RYR3: variants seen among roughly 807,000 people sequenced by gnomAD.
RYR3 encodes the protein ryanodine receptor 3.
Under a neutral mutation model 584.3 loss-of-function variants are expected in RYR3, and 207 were observed. That is an observed-to-expected ratio of 0.35 (90% CI 0.32 to 0.40). RYR3 has a LOEUF of 0.40. RYR3 is among the 10% of genes least tolerant of loss of function. The pLI is 1.00. For synonymous variants in RYR3, 2,416 were observed against 2,248.5 expected, an observed-to-expected ratio of 1.07 and a Z score of -2.11; for missense variants, 5,616 against 6,089.2, an observed-to-expected ratio of 0.92 and a Z score of 2.59.
intron 3 of RYR3, among the ~76,000 whole-genome samples, 152 bp downstream of exon 3, chr15:33,503,890 G>T (rs2052230845): frequency 6.6e-6 from 1 of 152,126 alleles, no homozygotes; most frequent in African/African-American, 2.4e-5. Context: ...GAGTTGAGTT[G>T]GTGTTATTCA....
chr15:33,662,830 A>G lies in RYR3; in HGVS notation c.5300A>G (p.Glu1767Gly). The G allele has an allele frequency of 1.2e-6, 2 of 1,613,898 alleles. No homozygotes were observed. Among genetic ancestry groups the G allele is most frequent in the Non-Finnish European group, 1.7e-6 (2 of 1,179,882 alleles). The change falls in exon 35 of 104, where the codon GAA becomes GGA. Residue 1767 changes from glutamate to glycine, a missense_variant. Physicochemically the swap from Glu to Gly is moderately conservative, Grantham distance 98. Coordinates refer to ENST00000634891, the MANE Select transcript of RYR3 (RefSeq NM_001036.6). ...EHSAGTEEGA[E>G]KEEVTQVEEK... Reference sequence around the variant, plus strand: ...AGTGCGGGGACAGAGGAGGGAGCAGAAAAGGAGGAAGTGACCCAGGTGGAG... The same window carrying G: ...AGTGCGGGGACAGAGGAGGGAGCAGGAAAGGAGGAAGTGACCCAGGTGGAG...
intron 1 of RYR3, 108 bp from the exon 2 acceptor site, chr15:33,473,311 G>T (rs375234263): frequency 7.8e-7 from 1 of 1,275,862 alleles, no homozygotes; most frequent in Admixed American, 1.7e-5. Context: ...CAAAAAGCAC[G>T]TGGCTGTCAG....
chr15:33,509,947 A>G (rs1008365547), intron 3 of RYR3, among the ~76,000 whole-genome samples: 2 of 152,222 alleles, frequency 1.3e-5, no homozygotes, highest in African/African-American at 4.8e-5. Context: ...TTCCTTGGAG[A>G]GGGAGAAAAA....
In RYR3 at chr15:33,663,428, T is replaced by G. The variant is rs928333910; in HGVS notation, c.5419-109T>G. On this transcript the variant is annotated intron_variant, in intron 35 of 103. Transcript: ENST00000634891. ...TTGAGTAACAGCTTTATGGCTACTG[T>G]GTGGCAATTTACTTTGTCTAAGTCT... The G allele has an allele frequency of 2.6e-5, 23 of 886,212 alleles. No homozygotes were observed. The African/African-American group carries it at 3.5e-4, about 13-fold the overall frequency. The allele number at this position is 886,212 out of a possible 1,614,324, so 54.9% of individuals were successfully genotyped here. A position where few individuals can be genotyped will look rare whatever the true frequency, so the allele number is the denominator to read the frequency against.
chr15:33,331,363 T>A (rs778482917), intron 1 of RYR3, among the ~76,000 whole-genome samples: 2 of 152,174 alleles, frequency 1.3e-5, no homozygotes, highest in Non-Finnish European at 2.9e-5. Flanking sequence ...GCTGTTTAAT[T>A]CACTAATGTT....
At chr15:33,454,667 A>T (rs538770901) in intron 1 of RYR3, among the ~76,000 whole-genome samples, 28 of 152,290 alleles carry the variant, frequency 1.8e-4, no homozygotes, top group African/African-American at 6.5e-4. Context: ...GGACCCTCCC[A>T]GATTAGATGA....
At chr15:33,335,990 A>T (rs988593451) in intron 1 of RYR3, among the ~76,000 whole-genome samples, 1 of 152,194 alleles carries the variant, frequency 6.6e-6, no homozygotes, top group Non-Finnish European at 1.5e-5. Context: ...ACAGCAATAA[A>T]TAAAAGAAAA....
At chr15:33,342,024 A>G (rs1971880523) in intron 1 of RYR3, among the ~76,000 whole-genome samples, 1 of 152,186 alleles carries the variant, frequency 6.6e-6, no homozygotes, top group Admixed American at 6.5e-5. Flanking sequence ...CCAGTGCTTC[A>G]TACCTACTTA....
intron 70 of RYR3, among the ~76,000 whole-genome samples, chr15:33,808,130 A>G (rs2076301865): frequency 6.6e-6 from 1 of 152,164 alleles, no homozygotes; most frequent in South Asian, 2.1e-4. Flanking sequence ...CCTCTGCTCT[A>G]CACTATGCAG....
At chr15:33,642,930 G>C (rs975087711) in intron 27 of RYR3, among the ~76,000 whole-genome samples, 9 of 152,268 alleles carry the variant, frequency 5.9e-5, no homozygotes, top group African/African-American at 1.9e-4. Flanking sequence ...TATTAAACAC[G>C]TCTGTATCCT....
intron 1 of RYR3, chr15:33,465,594 G>A (rs977981989): frequency 6.4e-5 from 27 of 423,374 alleles, no homozygotes; most frequent in Non-Finnish European, 1.2e-4. Flanking sequence ...TTTTCCTTAA[G>A]TAAGATGGAA....
At chr15:33,662,987 T>G in intron 35 of RYR3, 39 bp downstream of exon 35, 1 of 1,525,838 alleles carries the variant, frequency 6.6e-7, no homozygotes, top group African/African-American at 1.4e-5. Flanking sequence ...GGTTAATAGA[T>G]CTTCTGCTTT....
intron 38 of RYR3, among the ~76,000 whole-genome samples, chr15:33,685,460 C>T (rs1377299716): frequency 5.3e-5 from 8 of 152,158 alleles, no homozygotes; most frequent in Admixed American, 4.6e-4. Flanking sequence ...TCCTTAGAGA[C>T]CTACAAAGAG....
chr15:33,483,208 TATTCCC>T (rs1316565702), intron 2 of RYR3, among the ~76,000 whole-genome samples: 1 of 152,096 alleles, frequency 6.6e-6, no homozygotes, highest in Non-Finnish European at 1.5e-5. Context: ...CTTCTCCCAT[TATTCCC>T]ATTTTTTTGG....
Position 33,811,016 on chromosome 15 carries a change from C to A in RYR3, c.10236C>A (p.Asn3412Lys). Residue 3412 changes from asparagine (N) to lysine (K), a missense_variant, in exon 72 of 104, where the codon AAC becomes AAA. By Grantham distance (94) the Asn-to-Lys change is moderately conservative. Coordinates refer to ENST00000634891, the MANE Select transcript of RYR3 (RefSeq NM_001036.6). ...TDEEVREHLR[N>K]NLHLQEKSDD... ...AAGAGGTCAGAGAACATCTGCGGAA[C>A]AACTTGCACTTGCAGGAAAAGGTGA... 6.2e-7 allele frequency: 1 copy of A among 1,609,306 alleles called. No individual in the cohort carries two copies. Among genetic ancestry groups the A allele is most frequent in the Non-Finnish European group, 8.5e-7 (1 of 1,178,032 alleles).
chr15:33,659,045 G>C (rs984054010), intron 32 of RYR3, among the ~76,000 whole-genome samples: 1 of 152,324 alleles, frequency 6.6e-6, no homozygotes, highest in African/African-American at 2.4e-5. Flanking sequence ...GCCCTTCACA[G>C]AACATTTGGC....
intron 16 of RYR3, among the ~76,000 whole-genome samples, chr15:33,597,131 A>G (rs1324742368): frequency 2.0e-5 from 3 of 152,214 alleles, no homozygotes; most frequent in African/African-American, 7.2e-5. Flanking sequence ...TACAAAAGCA[A>G]AGATTATTCT....
chr15:33,583,695 A>G (rs898501241), intron 14 of RYR3, among the ~76,000 whole-genome samples: 7 of 151,830 alleles, frequency 4.6e-5, no homozygotes, highest in African/African-American at 1.5e-4. Context: ...TGAGGTGAGG[A>G]GGATCAATTG....
intron 19 of RYR3, among the ~76,000 whole-genome samples, chr15:33,621,096 A>G (rs923134668): frequency 2.0e-5 from 3 of 152,174 alleles, no homozygotes; most frequent in Non-Finnish European, 4.4e-5. Context: ...ATTAAATGCT[A>G]CCTGAAACTC....
Sources: gnomAD v4.1 joint callset for allele counts (sites outside exome capture counted in the v4.1 genomes callset) on GRCh38, gnomAD v4.1.1 for gene constraint, MANE v1.5 for transcripts, NCBI Gene and HGNC (gene_info 2026-07-23, HGNC 2026-07-21) for gene names.